AUTS2: variants seen among roughly 807,000 people sequenced by gnomAD.
The protein encoded by AUTS2 is activator of transcription and developmental regulator AUTS2, also known as autism susceptibility gene 2 protein.
AUTS2 carries 17 observed loss-of-function variants against 112.4 expected under a neutral mutation model. That is an observed-to-expected ratio of 0.15 (90% CI 0.10 to 0.23). AUTS2 has a LOEUF of 0.23. Ranked by LOEUF, AUTS2 falls within the 10% of genes least tolerant of loss-of-function variation. AUTS2 has a pLI of 1.00. For missense variants in AUTS2, 1,510 were observed against 1,701.6 expected (o/e 0.89, Z 1.98); for synonymous variants, 751 against 702.7 (o/e 1.07, Z -1.09).
chr7:70,282,007 C>T (rs1346767045), intron 4 of AUTS2, among the ~76,000 whole-genome samples: 1 of 152,150 alleles, frequency 6.6e-6, no homozygotes, highest in African/African-American at 2.4e-5. Flanking sequence ...GATATGTAGA[C>T]AGAAAGTCAG....
At chr7:70,641,324 C>T (rs2866720) in intron 5 of AUTS2, among the ~76,000 whole-genome samples, 62,225 of 151,812 alleles carry the variant, frequency 0.41, 13,147 homozygotes, top group East Asian at 0.59. Flanking sequence ...CCAAGGCAGG[C>T]GGATCACAAG....
At chr7:70,610,494 G>A (rs1804038076) in intron 5 of AUTS2, among the ~76,000 whole-genome samples, 1 of 135,290 alleles carries the variant, frequency 7.4e-6, no homozygotes, top group Non-Finnish European at 1.5e-5. Flanking sequence ...AGAAGGCAGT[G>A]GTGTGGTCAT....
chr7:70,287,823 A>AG (rs1176902472), intron 4 of AUTS2, among the ~76,000 whole-genome samples: 1 of 152,096 alleles, frequency 6.6e-6, no homozygotes, highest in East Asian at 1.9e-4. Context: ...AAAAAAAAAA[A>AG]AAAATTTTTT....
intron 5 of AUTS2, among the ~76,000 whole-genome samples, chr7:70,670,558 T>C (rs1302415318): frequency 6.6e-6 from 1 of 152,206 alleles, no homozygotes; most frequent in Non-Finnish European, 1.5e-5. Flanking sequence ...TTTCATAAAC[T>C]GAGAGCTAGA....
At chr7:69,907,140 C>T (rs143120970) in intron 2 of AUTS2, among the ~76,000 whole-genome samples, 1 of 152,290 alleles carries the variant, frequency 6.6e-6, no homozygotes, top group Non-Finnish European at 1.5e-5. Context: ...ACCTATTTGT[C>T]TGGAAACCAA....
chr7:70,414,461 C>T (rs1456413984), intron 4 of AUTS2, among the ~76,000 whole-genome samples: 1 of 152,166 alleles, frequency 6.6e-6, no homozygotes, highest in Non-Finnish European at 1.5e-5. Flanking sequence ...TCAGTCAGCT[C>T]TGTGTCGCTT....
intron 4 of AUTS2, among the ~76,000 whole-genome samples, chr7:70,376,370 G>C (rs1374265248): frequency 6.6e-6 from 1 of 151,544 alleles, no homozygotes; most frequent in Non-Finnish European, 1.5e-5. Context: ...TATATTCTTT[G>C]TTTCTCTTTT....
intron 1 of AUTS2, among the ~76,000 whole-genome samples, chr7:69,690,673 A>G (rs746091874): frequency 3.3e-5 from 5 of 152,182 alleles, no homozygotes; most frequent in Non-Finnish European, 7.4e-5. Context: ...TCCAGGAACC[A>G]CAGAACCCCA....
intron 1 of AUTS2, among the ~76,000 whole-genome samples, chr7:69,649,062 C>T (rs989296734): frequency 1.3e-5 from 2 of 152,116 alleles, no homozygotes; most frequent in African/African-American, 4.8e-5. Context: ...AGACTGGAGA[C>T]CAGTCATTTT....
At chr7:69,638,989 T>C (rs1362714208) in intron 1 of AUTS2, among the ~76,000 whole-genome samples, 1 of 152,258 alleles carries the variant, frequency 6.6e-6, no homozygotes, top group Non-Finnish European at 1.5e-5. Context: ...CAGTAAAAGT[T>C]GGTTTAGGGT....
In AUTS2 at chr7:70,530,712, G is replaced by A. The variant is rs143798934; in HGVS notation, c.690+94931G>A. On this transcript the variant is annotated intron_variant, in intron 5 of 18. Coordinates refer to ENST00000342771, the MANE Select transcript of AUTS2 (RefSeq NM_015570.4). ...TACTTCTCTTTACCACTAGCAAAAGGGATGTCAGGGGAGGGGGGATGTTTC... is the reference window on the plus strand; with the variant it reads ...TACTTCTCTTTACCACTAGCAAAAGAGATGTCAGGGGAGGGGGGATGTTTC... Among the ~76,000 whole-genome samples the A allele has an allele frequency of 7.2e-5, 11 of 152,178 alleles. No individual in the cohort carries two copies. In the East Asian group the frequency reaches 2.1e-3, roughly 29 times the overall value.
intron 1 of AUTS2, among the ~76,000 whole-genome samples, chr7:69,751,254 G>T (rs1417988338): frequency 6.6e-6 from 1 of 152,144 alleles, no homozygotes; most frequent in Non-Finnish European, 1.5e-5. Flanking sequence ...GGCCACCCAG[G>T]GTCTGAGAGG....
At chr7:70,512,887 G>A (rs1355666650) in intron 5 of AUTS2, among the ~76,000 whole-genome samples, 23 of 151,654 alleles carry the variant, frequency 1.5e-4, no homozygotes, top group Admixed American at 1.5e-3. Flanking sequence ...GGTGAGTGAA[G>A]TGTGGGGGGG....
At chr7:69,831,228 G>A (rs1411433983) in intron 1 of AUTS2, among the ~76,000 whole-genome samples, 1 of 152,058 alleles carries the variant, frequency 6.6e-6, no homozygotes, top group Non-Finnish European at 1.5e-5. Flanking sequence ...GTGCTATTTA[G>A]TGCAATTAGA....
chr7:70,030,798 C>G (rs867602384), intron 2 of AUTS2, among the ~76,000 whole-genome samples: 58 of 152,212 alleles, frequency 3.8e-4, no homozygotes, highest in African/African-American at 1.3e-3. Context: ...TTTGACAGCC[C>G]TTTGGCTTTC....
chr7:70,656,912 T>G (rs926985904), intron 5 of AUTS2, among the ~76,000 whole-genome samples: 1 of 152,166 alleles, frequency 6.6e-6, no homozygotes, highest in Non-Finnish European at 1.5e-5. Flanking sequence ...GGTGTATGGG[T>G]TTATGCTGGG....
chr7:69,891,928 G>A (rs1457081016), intron 1 of AUTS2, among the ~76,000 whole-genome samples: 18 of 150,258 alleles, frequency 1.2e-4, no homozygotes, highest in Non-Finnish European at 2.2e-4. Flanking sequence ...GAGTAGCTGG[G>A]ATTACAGGTG....
intron 5 of AUTS2, among the ~76,000 whole-genome samples, chr7:70,677,305 C>G (rs145726093): frequency 1.3e-5 from 2 of 152,292 alleles, no homozygotes; most frequent in Non-Finnish European, 2.9e-5. Flanking sequence ...AATCCGAGCT[C>G]TCTTTCTGAT....
chr7:69,691,663 G>A (rs1797352041), intron 1 of AUTS2, among the ~76,000 whole-genome samples: 1 of 151,856 alleles, frequency 6.6e-6, no homozygotes, highest in Non-Finnish European at 1.5e-5. Context: ...AGAACACAGG[G>A]ATGCCTGGGT....
Sources: allele counts gnomAD v4.1 joint callset (sites outside exome capture counted in the v4.1 genomes callset), GRCh38; gene constraint gnomAD v4.1.1; transcripts MANE v1.5; gene names NCBI Gene and HGNC (gene_info 2026-07-23, HGNC 2026-07-21).